Variants in FRMPD4 observed in about 807,000 individuals in gnomAD.
The protein encoded by FRMPD4 is FERM and PDZ domain containing 4, also known as FERM and PDZ domain-containing protein 4.
A neutral mutation model predicts 94.1 loss-of-function variants in FRMPD4; 22 were observed. The ratio of observed to expected loss-of-function variants is 0.23; its 90% CI spans 0.17 to 0.33. The LOEUF (loss-of-function observed/expected upper bound fraction) is 0.33, where lower values mean the gene tolerates loss of function less well. Among genes scored for constraint, FRMPD4 ranks in the 10% least tolerant of loss-of-function variants. The pLI is 1.00. For missense variants in FRMPD4, 1,111 were observed against 1,339.9 expected, an observed-to-expected ratio of 0.83 and a Z score of 2.67; for synonymous variants, 631 against 548.6, an observed-to-expected ratio of 1.15 and a Z score of -2.10.
At chrX:12,417,067 CTTA>C (rs1422009114) in intron 1 of FRMPD4, among the ~76,000 whole-genome samples, 1 of 111,016 alleles carries the variant, frequency 9.0e-6, no homozygotes, top group East Asian at 2.8e-4. Flanking sequence ...GTGTCTGACT[CTTA>C]TGTGTTCTAT....
chrX:12,692,912 T>C (rs2060092056), intron 8 of FRMPD4, among the ~76,000 whole-genome samples: 1 of 111,800 alleles, frequency 8.9e-6, no homozygotes, highest in Admixed American at 9.5e-5. Flanking sequence ...CCCCAATTTC[T>C]TTATTCCTGG....
At chrX:12,246,390 G>C (rs1264607680) in intron 1 of FRMPD4, among the ~76,000 whole-genome samples, 3 of 111,644 alleles carry the variant, frequency 2.7e-5, no homozygotes, top group Admixed American at 9.5e-5. Context: ...AAAAATGCTA[G>C]AGTGGTAGAA....
At chrX:12,115,998 C>A (rs776254363) in intron 3 of FRMPD4, among the ~76,000 whole-genome samples, 14 of 112,383 alleles carry the variant, frequency 1.2e-4, no homozygotes, top group Non-Finnish European at 1.7e-4. Flanking sequence ...CAGTACTTCC[C>A]TTACTCTTCT....
At chrX:12,436,867 T>C (rs898364298) in intron 1 of FRMPD4, among the ~76,000 whole-genome samples, 4 of 111,630 alleles carry the variant, frequency 3.6e-5, no homozygotes, top group Non-Finnish European at 7.5e-5. Context: ...TTGCTATTAT[T>C]ACCTTGTGAT....
intron 1 of FRMPD4, among the ~76,000 whole-genome samples, chrX:12,337,735 T>C (rs2147952332): frequency 8.9e-6 from 1 of 112,204 alleles, no homozygotes; most frequent in East Asian, 2.8e-4. Context: ...GTGAAAATAG[T>C]TTTTTATATG....
In FRMPD4 at chrX:11,850,903, A is replaced by G. The variant is rs373338251; in HGVS notation, c.-160-14183A>G. On this transcript the variant is annotated intron_variant, in intron 1 of 18. Transcript: ENST00000640291. ...ACTGGTTCCACAATGATATGAATGT[A>G]CTTAACACTACTGAACTGTACTCTT... is the stretch of plus-strand genomic sequence containing the variant. Among the ~76,000 whole-genome samples the G allele has an allele frequency of 3.6e-5, 4 of 112,268 alleles. No individual in the cohort carries two copies. In the East Asian group the frequency reaches 1.1e-3, roughly 31 times the overall value.
intron 3 of FRMPD4, among the ~76,000 whole-genome samples, chrX:11,941,864 T>G (rs758449116): frequency 8.9e-6 from 1 of 112,103 alleles, no homozygotes; most frequent in Admixed American, 9.4e-5. Context: ...AAGGCAACAC[T>G]AGCTTCTAAG....
At chrX:12,184,324 G>A (rs2056397637) in intron 1 of FRMPD4, among the ~76,000 whole-genome samples, 1 of 111,546 alleles carries the variant, frequency 9.0e-6, no homozygotes, top group Admixed American at 9.5e-5. Context: ...TGAGCCACCT[G>A]AGAATTCCTG....
chrX:12,190,167 A>G (rs2056473754), intron 1 of FRMPD4, among the ~76,000 whole-genome samples: 1 of 111,528 alleles, frequency 9.0e-6, no homozygotes, highest in South Asian at 3.7e-4. Context: ...TTTATACAAG[A>G]TCTGTATGAG....
chrX:12,078,385 A>G (rs1354591898), intron 3 of FRMPD4, among the ~76,000 whole-genome samples: 6 of 112,265 alleles, frequency 5.3e-5, no homozygotes, highest in Admixed American at 3.8e-4. Context: ...ACAAGAATGG[A>G]TTCATTGCAG....
At chrX:11,835,031 T>C (rs1451177791) in intron 1 of FRMPD4, among the ~76,000 whole-genome samples, 1 of 112,019 alleles carries the variant, frequency 8.9e-6, no homozygotes. Flanking sequence ...TTATCTTCTT[T>C]TCCCTTTTAT....
chrX:12,454,822 T>TTG (rs1555968602), intron 1 of FRMPD4, among the ~76,000 whole-genome samples: 1 of 107,209 alleles, frequency 9.3e-6, no homozygotes, highest in Non-Finnish European at 1.9e-5. Flanking sequence ...CACGTTTTTT[T>TTG]TTTTTTTTTA....
intron 1 of FRMPD4, among the ~76,000 whole-genome samples, chrX:12,429,265 T>C (rs1404251690): frequency 8.9e-6 from 1 of 111,826 alleles, no homozygotes; most frequent in Non-Finnish European, 1.9e-5. Flanking sequence ...TACATTTCAG[T>C]TTCTTCTACG....
At chrX:12,205,546 GA>G (rs1357610950) in intron 1 of FRMPD4, among the ~76,000 whole-genome samples, 2 of 111,831 alleles carry the variant, frequency 1.8e-5, no homozygotes, top group Non-Finnish European at 3.8e-5. Flanking sequence ...TATGAAGTAA[GA>G]AAAATAGTTT....
chrX:12,573,002 C>T (rs2058774390), intron 2 of FRMPD4, among the ~76,000 whole-genome samples: 1 of 112,362 alleles, frequency 8.9e-6, no homozygotes, highest in Non-Finnish European at 1.9e-5. Context: ...ATGTAGATTT[C>T]CTTTATAGAT....
intron 1 of FRMPD4, among the ~76,000 whole-genome samples, chrX:12,480,569 G>A (rs1268613403): frequency 9.0e-6 from 1 of 111,549 alleles, no homozygotes; most frequent in East Asian, 2.8e-4. Context: ...CACTTTCAGA[G>A]TACTCCCTCT....
intron 3 of FRMPD4, among the ~76,000 whole-genome samples, chrX:12,103,135 G>T (rs1254757513): frequency 1.8e-5 from 2 of 111,062 alleles, no homozygotes; most frequent in African/African-American, 3.3e-5. Flanking sequence ...TGGCTCCAAC[G>T]GTAAGAGTCA....
chrX:12,560,684 C>T (rs1053735806), intron 2 of FRMPD4, among the ~76,000 whole-genome samples: 3 of 101,007 alleles, frequency 3.0e-5, no homozygotes, highest in African/African-American at 1.1e-4. Context: ...TATATTTTTT[C>T]ATCACTTCCT....
intron 1 of FRMPD4, among the ~76,000 whole-genome samples, chrX:12,313,680 G>A (rs2055069622): frequency 1.8e-5 from 2 of 112,082 alleles, no homozygotes; most frequent in South Asian, 7.5e-4. Context: ...CTTTGAAAGG[G>A]TAAGTCTTTG....
Sources: gnomAD v4.1 joint callset for allele counts (sites outside exome capture counted in the v4.1 genomes callset) on GRCh38, gnomAD v4.1.1 for gene constraint, MANE v1.5 for transcripts, NCBI Gene and HGNC (gene_info 2026-07-23, HGNC 2026-07-21) for gene names.